Variants in LTBP1 observed in about 807,000 individuals in gnomAD.
LTBP1 encodes latent-transforming growth factor beta-binding protein 1.
In LTBP1, 129 loss-of-function variants were observed where a neutral mutation model predicts 207.6. The ratio of observed to expected loss-of-function variants is 0.62; its 90% confidence interval spans 0.54 to 0.72. The LOEUF (loss-of-function observed/expected upper bound fraction) is 0.72. Among genes scored for constraint, LTBP1 ranks in the 30% least tolerant of loss-of-function variants. LTBP1 has a pLI of 0.00. For synonymous variants in LTBP1, 963 were observed against 833.7 expected (o/e 1.16, Z -2.67); for missense variants, 2,281 against 2,217.2 (o/e 1.03, Z -0.58).
intron 4 of LTBP1, among the ~76,000 whole-genome samples, chr2:33,111,266 G>C (rs2080382342): frequency 6.6e-6 from 1 of 152,146 alleles, no homozygotes; most frequent in Non-Finnish European, 1.5e-5. Context: ...TGGCCAGCTT[G>C]GTTAATATCT....
intron 31 of LTBP1, among the ~76,000 whole-genome samples, chr2:33,386,222 G>A (rs1401581275): frequency 6.6e-6 from 1 of 152,162 alleles, no homozygotes; most frequent in Non-Finnish European, 1.5e-5. Flanking sequence ...TTTCAGTTCA[G>A]GTCCACCTTT....
chr2:32,979,048 G>C (rs1682322496), intron 2 of LTBP1, among the ~76,000 whole-genome samples: 1 of 151,164 alleles, frequency 6.6e-6, no homozygotes, highest in Non-Finnish European at 1.5e-5. Flanking sequence ...TTGTTATGTA[G>C]TTTTTTTCAT....
At chr2:33,038,171 T>C (rs1016061015) in intron 3 of LTBP1, among the ~76,000 whole-genome samples, 4 of 152,258 alleles carry the variant, frequency 2.6e-5, no homozygotes, top group African/African-American at 9.6e-5. Context: ...TTAATTTGAA[T>C]GCCAAACCAA....
At chr2:33,349,960 G>C (rs1285734477) in intron 26 of LTBP1, among the ~76,000 whole-genome samples, 3 of 152,164 alleles carry the variant, frequency 2.0e-5, no homozygotes, top group Non-Finnish European at 2.9e-5. Flanking sequence ...TCCCTTCCAT[G>C]AGCATCAGCA....
intron 2 of LTBP1, among the ~76,000 whole-genome samples, chr2:32,985,119 C>T (rs954949184): frequency 6.6e-6 from 1 of 152,154 alleles, no homozygotes; most frequent in African/African-American, 2.4e-5. Context: ...ATCGATATAA[C>T]TACTAGTATT....
In LTBP1 at chr2:33,226,710, G is replaced by T. The variant is rs957131; in HGVS notation, c.1876+4559G>T. On this transcript the variant is annotated intron_variant, in intron 9 of 33. Transcript: ENST00000404816. ...GTAAGATAACTTCTGGGTCACTGTC[G>T]TGGCATTTGTGAACTGTCATAGTGC... is the stretch of plus-strand genomic sequence containing the variant. Among the ~76,000 whole-genome samples, 1,227 of 152,306 alleles carry T rather than the reference G, an allele frequency of 8.1e-3. 19 individuals carry two copies. The highest frequency in any genetic ancestry group is 0.028 in the African/African-American group (1,167 of 41,560).
chr2:33,022,010 A>G (rs1003337574), intron 3 of LTBP1, among the ~76,000 whole-genome samples: 4 of 152,206 alleles, frequency 2.6e-5, no homozygotes, highest in Non-Finnish European at 5.9e-5. Context: ...AAGGTAAAAT[A>G]CAGGAAGTTC....
intron 3 of LTBP1, among the ~76,000 whole-genome samples, chr2:33,037,281 T>A (rs1243388690): frequency 6.6e-6 from 1 of 152,218 alleles, no homozygotes; most frequent in African/African-American, 2.4e-5. Flanking sequence ...CTTTTGAGTA[T>A]CCTTAAGTCA....
chr2:33,167,827 G>A lies in LTBP1; in HGVS notation c.1202-19029G>A, dbSNP rs576988981. Among the ~76,000 whole-genome samples, 6 of 152,324 alleles carry A rather than the reference G, an allele frequency of 3.9e-5. No individual in the cohort carries two copies. In the East Asian group the frequency reaches 9.6e-4, roughly 24 times the overall value. On this transcript the variant is annotated intron_variant, in intron 5 of 33. Coordinates refer to ENST00000404816, the MANE Select transcript of LTBP1 (RefSeq NM_206943.4). ...AGAGATGAGACTGGATAGGTTGCAA[G>A]AACTAGATCAAGGAGAGCCCTTCTG...
At chr2:33,056,412 G>A in intron 3 of LTBP1, 1 of 1,122,782 alleles carries the variant, frequency 8.9e-7, no homozygotes, top group Non-Finnish European at 1.2e-6. Flanking sequence ...GCCGCCCTGG[G>A]CGATGGTGAC....
chr2:33,149,392 C>A (rs2083336689), intron 5 of LTBP1, among the ~76,000 whole-genome samples: 1 of 152,142 alleles, frequency 6.6e-6, no homozygotes, highest in Admixed American at 6.5e-5. Context: ...GACCCTGTTT[C>A]CTATTTTGTC....
At chr2:33,354,664 A>G (rs909275725) in intron 26 of LTBP1, among the ~76,000 whole-genome samples, 1 of 150,102 alleles carries the variant, frequency 6.7e-6, no homozygotes, top group Non-Finnish European at 1.5e-5. Context: ...ATATCAATCA[A>G]AGTGACAAAC....
chr2:33,055,030 C>A (rs2076922133), intron 3 of LTBP1, among the ~76,000 whole-genome samples: 1 of 152,200 alleles, frequency 6.6e-6, no homozygotes, highest in Non-Finnish European at 1.5e-5. Context: ...GCTCCATTTT[C>A]TGTCCTCTCT....
chr2:33,067,159 G>A (rs1480800416), intron 3 of LTBP1, among the ~76,000 whole-genome samples: 5 of 152,184 alleles, frequency 3.3e-5, no homozygotes, highest in African/African-American at 1.2e-4. Context: ...GCTACAGAAC[G>A]AGACCCTGTC....
chr2:33,300,299 C>A, intron 20 of LTBP1, 152 bp from the exon 21 acceptor site: 2 of 587,814 alleles, frequency 3.4e-6, no homozygotes, highest in East Asian at 3.3e-5. Context: ...GATACAACAG[C>A]ATGGGTGGAG....
chr2:32,957,207 G>A (rs1361144442), intron 2 of LTBP1, among the ~76,000 whole-genome samples: 1 of 152,156 alleles, frequency 6.6e-6, no homozygotes, highest in African/African-American at 2.4e-5. Context: ...GAAACATTGA[G>A]GCCAGGAATT....
In LTBP1 at chr2:33,053,226, A is replaced by G. The variant is rs138703219; in HGVS notation, c.863+32020A>G. Among the ~76,000 whole-genome samples the G allele has an allele frequency of 3.0e-4, 46 of 152,274 alleles. 3 individuals are homozygous for G. The East Asian group carries it at 8.7e-3, about 29-fold the overall frequency. On this transcript the variant is annotated intron_variant, in intron 3 of 33. Transcript: ENST00000404816. ...AGGTTCACAGCAAAATTGGAGAGGA[A>G]GGTCCAGACTTCCTATATACCCTGG...
chr2:32,981,339 T>C (rs1682734671), intron 2 of LTBP1, among the ~76,000 whole-genome samples: 1 of 152,194 alleles, frequency 6.6e-6, no homozygotes, highest in African/African-American at 2.4e-5. Flanking sequence ...TTGGTATTGG[T>C]TCCCATGAAG....
At chr2:33,161,433 A>AT (rs1458228024) in intron 5 of LTBP1, among the ~76,000 whole-genome samples, 1 of 151,728 alleles carries the variant, frequency 6.6e-6, no homozygotes, top group African/African-American at 2.4e-5. Context: ...CACCCAGCTA[A>AT]TTTTTTTGTA....
Sources: allele counts gnomAD v4.1 joint callset (sites outside exome capture counted in the v4.1 genomes callset), GRCh38; gene constraint gnomAD v4.1.1; transcripts MANE v1.5; gene names NCBI Gene and HGNC (gene_info 2026-07-23, HGNC 2026-07-21).